The following SGCD variants were observed in gnomAD, a reference collection of about 807,000 sequenced individuals.
SGCD encodes sarcoglycan delta.
In SGCD, 18 loss-of-function variants were observed where a neutral mutation model predicts 36.6. That is an observed-to-expected ratio of 0.49 (90% CI 0.34 to 0.73). SGCD has a LOEUF of 0.73. Among genes scored for constraint, SGCD ranks in the 30% least tolerant of loss-of-function variants. The probability of loss-of-function intolerance (pLI) is 0.01; values close to 1 mark genes in which losing one functional copy is unlikely to be tolerated. For missense variants in SGCD, 387 were observed against 346.7 expected (o/e 1.12, Z -0.92); for synonymous variants, 133 against 130.6 (o/e 1.02, Z -0.12).
At chr5:156,577,361 A>C (rs575132025) in intron 4 of SGCD, among the ~76,000 whole-genome samples, 1 of 152,294 alleles carries the variant, frequency 6.6e-6, no homozygotes, top group Admixed American at 6.5e-5. Flanking sequence ...TGATTCCTCC[A>C]GCTTTGTTCT....
At chr5:155,774,990 A>G in the SGCD span, among the ~76,000 whole-genome samples, 1 of 152,124 alleles carries the variant, frequency 6.6e-6, no homozygotes, top group Non-Finnish European at 1.5e-5. Flanking sequence ...CTTTTTGTCT[A>G]ATTTGCATCT....
At chr5:156,568,336 G>T (rs776149558) in intron 4 of SGCD, among the ~76,000 whole-genome samples, 3 of 152,136 alleles carry the variant, frequency 2.0e-5, no homozygotes, top group African/African-American at 7.2e-5. Context: ...AGCCAATATC[G>T]TGCCACTGCA....
chr5:156,068,514 G>A (rs1392354878), intron 1 of SGCD, among the ~76,000 whole-genome samples: 1 of 151,820 alleles, frequency 6.6e-6, no homozygotes, highest in Admixed American at 6.6e-5. Flanking sequence ...TCTTAATCCA[G>A]TCTATCATTG....
chr5:155,844,456 T>TGTGTGTGTGTGTG, the SGCD span, among the ~76,000 whole-genome samples: 19 of 148,170 alleles, frequency 1.3e-4, no homozygotes, highest in South Asian at 4.3e-4. Flanking sequence ...TGTGTGTGTG[T>TGTGTGTGTGTGTG]TATAAACAAG....
In SGCD at chr5:156,485,812, G is replaced by T. The variant is rs559465569; in HGVS notation, c.193-22789G>T. Among the ~76,000 whole-genome samples the T allele has an allele frequency of 5.9e-5, 9 of 152,226 alleles. No individual in the cohort carries two copies. In the South Asian group the frequency reaches 1.7e-3, roughly 28 times the overall value. On this transcript the variant is annotated intron_variant, in intron 3 of 8. Transcript: ENST00000337851. ...AGGGAAGTGATATTGGAGCTCTGAG[G>T]CAGGGAAGGAGAGAGAAGTGAAGCA...
chr5:156,325,676 C>A (rs542023836), upstream of SGCD, among the ~76,000 whole-genome samples: 30 of 152,300 alleles, frequency 2.0e-4, no homozygotes, highest in African/African-American at 7.2e-4. Context: ...CTGGTATTAA[C>A]TGTCTTTAAA....
chr5:156,308,103 T>G (rs1273769664), intron 3 of SGCD, among the ~76,000 whole-genome samples: 1 of 152,316 alleles, frequency 6.6e-6, no homozygotes, highest in East Asian at 1.9e-4. Context: ...ATATGCTGTA[T>G]TAGTCCATTT....
At chr5:156,230,382 G>A (rs1323730424) in intron 3 of SGCD, among the ~76,000 whole-genome samples, 13 of 152,158 alleles carry the variant, frequency 8.5e-5, no homozygotes, top group Non-Finnish European at 2.9e-5. Flanking sequence ...TTCCCTCAAT[G>A]TGGTACTCTC....
intron 1 of SGCD, among the ~76,000 whole-genome samples, chr5:156,083,356 G>A (rs951034845): frequency 7.3e-5 from 11 of 150,326 alleles, no homozygotes; most frequent in South Asian, 2.1e-4. Flanking sequence ...GTGCAATGGC[G>A]TGATCTCGGC....
At chr5:156,452,959 G>A (rs557371628) in intron 3 of SGCD, among the ~76,000 whole-genome samples, 29 of 152,160 alleles carry the variant, frequency 1.9e-4, no homozygotes, top group Non-Finnish European at 3.4e-4. Context: ...TGACCCAGCC[G>A]AATCTTAAGC....
At chr5:156,154,042 C>A (rs1396529673) in intron 3 of SGCD, among the ~76,000 whole-genome samples, 1 of 151,588 alleles carries the variant, frequency 6.6e-6, no homozygotes, top group East Asian at 1.9e-4. Context: ...ACTTTGCCTG[C>A]CCCTTGTTCC....
intron 1 of SGCD, among the ~76,000 whole-genome samples, chr5:155,962,882 G>A (rs376731110): frequency 2.0e-4 from 31 of 152,230 alleles, no homozygotes; most frequent in Non-Finnish European, 3.4e-4. Flanking sequence ...CAAAGTAGTC[G>A]CCTTAGCAAT....
intron 1 of SGCD, among the ~76,000 whole-genome samples, chr5:155,880,609 G>A (rs576031897): frequency 6.6e-6 from 1 of 152,162 alleles, no homozygotes; most frequent in South Asian, 2.1e-4. Context: ...ACCATGTATT[G>A]GGAAAGGAGA....
At chr5:156,741,335 A>C (rs1344546806) in intron 7 of SGCD, among the ~76,000 whole-genome samples, 2 of 152,218 alleles carry the variant, frequency 1.3e-5, no homozygotes, top group Non-Finnish European at 2.9e-5. Flanking sequence ...ACAGCTAATA[A>C]ATTATTCTCT....
intron 3 of SGCD, among the ~76,000 whole-genome samples, chr5:156,214,590 G>A (rs1764527364): frequency 6.6e-6 from 1 of 151,868 alleles, no homozygotes; most frequent in Non-Finnish European, 1.5e-5. Context: ...CACAGAAATA[G>A]AAACCATTCT....
intron 1 of SGCD, among the ~76,000 whole-genome samples, chr5:155,930,396 C>T (rs927493832): frequency 1.1e-4 from 17 of 152,178 alleles, no homozygotes; most frequent in African/African-American, 4.1e-4. Context: ...ATTGAGCATA[C>T]TGTATTGTGC....
the SGCD span, among the ~76,000 whole-genome samples, chr5:155,762,137 C>T: frequency 6.6e-6 from 1 of 152,158 alleles, no homozygotes; most frequent in Non-Finnish European, 1.5e-5. Flanking sequence ...TGTGATTATA[C>T]AATTATACAA....
At chr5:156,384,576 C>T (rs73293234) in intron 3 of SGCD, among the ~76,000 whole-genome samples, 2 of 152,160 alleles carry the variant, frequency 1.3e-5, no homozygotes, top group African/African-American at 2.4e-5. Context: ...CGAATAAATG[C>T]ACAAATTAAA....
chr5:156,081,679 C>A (rs1376181550), intron 1 of SGCD, among the ~76,000 whole-genome samples: 15 of 152,174 alleles, frequency 9.9e-5, no homozygotes, highest in Admixed American at 9.8e-4. Flanking sequence ...CAGACATGAG[C>A]CACTGTGCCC....
Sources: allele counts gnomAD v4.1 joint callset (sites outside exome capture counted in the v4.1 genomes callset), GRCh38; gene constraint gnomAD v4.1.1; transcripts MANE v1.5; gene names NCBI Gene and HGNC (gene_info 2026-07-23, HGNC 2026-07-21).